ARHGAP42: variants seen among roughly 807,000 people sequenced by gnomAD.
ARHGAP42 encodes rho GTPase-activating protein 42.
A neutral mutation model predicts 125.0 loss-of-function variants in ARHGAP42; 63 were observed. That is an observed-to-expected ratio of 0.50 (90% CI 0.41 to 0.62). The LOEUF is 0.62. Among genes scored for constraint, ARHGAP42 ranks in the 20% least tolerant of loss-of-function variants. ARHGAP42 has a pLI of 0.00. For synonymous variants in ARHGAP42, 339 were observed against 351.0 expected (o/e 0.97, Z 0.38); for missense variants, 766 against 1,024.2 (o/e 0.75, Z 3.44).
chr11:100,699,506 ATTTTTTTTTTTTTTTTTTTTTTT>A (rs869243290), intron 1 of ARHGAP42, among the ~76,000 whole-genome samples: 29 of 31,756 alleles, frequency 9.1e-4, no homozygotes, highest in African/African-American at 3.9e-3. Context: ...ATATATATAT[ATTTTTTTTTTTTTTTTTTTTTTT>A]TTTTTTTTTT....
At position 100,960,536 on chromosome 11, in the gene ARHGAP42, C is replaced by T. The variant is rs536903272; in HGVS notation, c.1226-379C>T. ...TTCCTTGAATTCTCTGAATCTGTTT[C>T]CTCATCTCTAAAATGAAGATATAAA... On this transcript the variant is annotated intron_variant, in intron 13 of 23. Coordinates refer to ENST00000298815, the MANE Select transcript of ARHGAP42 (RefSeq NM_152432.4). Among the ~76,000 whole-genome samples, 58 of 152,246 alleles carry T rather than the reference C, an allele frequency of 3.8e-4. No homozygotes were observed. In the South Asian group the frequency reaches 0.011, roughly 30 times the overall value.
At chr11:100,879,077 CA>C (rs937219025) in intron 4 of ARHGAP42, among the ~76,000 whole-genome samples, 5 of 150,478 alleles carry the variant, frequency 3.3e-5, no homozygotes, top group Admixed American at 6.6e-5. Context: ...AATAATGCCT[CA>C]AAAAAATATG....
chr11:100,926,774 C>T (rs1296008218), intron 6 of ARHGAP42, among the ~76,000 whole-genome samples: 1 of 152,174 alleles, frequency 6.6e-6, no homozygotes, highest in Non-Finnish European at 1.5e-5. Flanking sequence ...CCAGTGTGTA[C>T]CTCACCTGTA....
intron 1 of ARHGAP42, among the ~76,000 whole-genome samples, chr11:100,748,758 G>A (rs1424649940): frequency 7.1e-6 from 1 of 141,776 alleles, no homozygotes; most frequent in Middle Eastern, 3.6e-3. Context: ...GGTTGTCAGT[G>A]GCCTCAGTGC....
intron 3 of ARHGAP42, among the ~76,000 whole-genome samples, chr11:100,825,099 T>A (rs1041291622): frequency 6.6e-6 from 1 of 152,228 alleles, no homozygotes; most frequent in Admixed American, 6.5e-5. Context: ...TTTTACAGCA[T>A]CATTTTCATT....
intron 4 of ARHGAP42, among the ~76,000 whole-genome samples, chr11:100,872,200 AGT>A (rs1374173287): frequency 5.3e-5 from 8 of 152,196 alleles, no homozygotes; most frequent in Non-Finnish European, 1.2e-4. Context: ...TTTTAAAAAT[AGT>A]GTATTTATAT....
chr11:100,967,050 CA>C (rs112868299), intron 17 of ARHGAP42, among the ~76,000 whole-genome samples: 11,559 of 152,242 alleles, frequency 0.076, 633 homozygotes, highest in East Asian at 0.3. Context: ...TCTGAACTTA[CA>C]AAAGGTCAAG....
At chr11:100,731,755 A>G (rs1451600470) in intron 1 of ARHGAP42, among the ~76,000 whole-genome samples, 1 of 152,088 alleles carries the variant, frequency 6.6e-6, no homozygotes, top group Middle Eastern at 3.2e-3. Flanking sequence ...GCCCACCCCA[A>G]TTAGCAGCTA....
intron 1 of ARHGAP42, among the ~76,000 whole-genome samples, chr11:100,764,666 G>A (rs995174767): frequency 6.6e-6 from 1 of 152,110 alleles, no homozygotes; most frequent in Non-Finnish European, 1.5e-5. Context: ...CCACATTAGG[G>A]GCTTGTAAGA....
intron 1 of ARHGAP42, among the ~76,000 whole-genome samples, chr11:100,751,012 C>A: frequency 6.7e-6 from 1 of 148,564 alleles, no homozygotes; most frequent in East Asian, 2.0e-4. Flanking sequence ...GATCTTGGCT[C>A]ACTGCAACTT....
At chr11:100,733,201 A>G (rs535564995) in intron 1 of ARHGAP42, among the ~76,000 whole-genome samples, 5 of 152,378 alleles carry the variant, frequency 3.3e-5, no homozygotes, top group Admixed American at 2.0e-4. Context: ...AAGTTAATCA[A>G]TATAGCCAAA....
At chr11:100,710,284 G>A (rs959377856) in intron 1 of ARHGAP42, among the ~76,000 whole-genome samples, 7 of 151,894 alleles carry the variant, frequency 4.6e-5, no homozygotes, top group South Asian at 2.1e-4. Context: ...CTGGAGTGCA[G>A]TGGTATGATC....
At chr11:100,747,687 C>T (rs1862336172) in intron 1 of ARHGAP42, among the ~76,000 whole-genome samples, 2 of 152,094 alleles carry the variant, frequency 1.3e-5, no homozygotes, top group South Asian at 4.2e-4. Context: ...ATTCTTTTTC[C>T]TCCTTATAAT....
chr11:100,960,020 A>G, intron 13 of ARHGAP42, 75 bp downstream of exon 13: 1 of 1,297,024 alleles, frequency 7.7e-7, no homozygotes. Context: ...AGAGTAGATA[A>G]ATCATTGAAG....
intron 4 of ARHGAP42, among the ~76,000 whole-genome samples, chr11:100,888,503 G>A (rs1038350412): frequency 4.6e-5 from 7 of 151,902 alleles, no homozygotes; most frequent in Admixed American, 1.3e-4. Flanking sequence ...AATATTCTTT[G>A]GCCAGTTAAC....
In ARHGAP42 at chr11:100,863,059, AACAC is replaced by A. The variant is rs3063447; in HGVS notation, c.384+3454_384+3457del. Among the ~76,000 whole-genome samples the A allele has an allele frequency of 1.4e-3, 191 of 137,484 alleles. 1 individual carries two copies. Among genetic ancestry groups the A allele is most frequent in the African/African-American group, 4.2e-3 (156 of 37,092 alleles). The allele number at this position is 137,484 out of a possible 152,430, so 90.2% of individuals were successfully genotyped here. On this transcript the variant is annotated intron_variant, in intron 4 of 23. Coordinates refer to ENST00000298815, the MANE Select transcript of ARHGAP42 (RefSeq NM_152432.4). ...TCTCAAAAAAAAAAAAAAAACACAA[AACAC>A]ACACACACACACACACACAACAACA...
intron 1 of ARHGAP42, among the ~76,000 whole-genome samples, chr11:100,741,475 G>C (rs987787517): frequency 6.6e-6 from 1 of 152,216 alleles, no homozygotes; most frequent in African/African-American, 2.4e-5. Flanking sequence ...GCTGTTTCCT[G>C]TTAGTACCTG....
At chr11:100,693,122 GT>G (rs1647563529) in intron 1 of ARHGAP42, among the ~76,000 whole-genome samples, 2 of 146,440 alleles carry the variant, frequency 1.4e-5, no homozygotes, top group Non-Finnish European at 1.5e-5. Flanking sequence ...AACTGCCATT[GT>G]TTTAGGATAT....
chr11:100,790,934 T>C (rs972054793), intron 2 of ARHGAP42, among the ~76,000 whole-genome samples: 3 of 152,246 alleles, frequency 2.0e-5, no homozygotes, highest in Admixed American at 2.0e-4. Context: ...TTACAAATTA[T>C]TGCTGATAAT....
Sources: gnomAD v4.1 joint callset for allele counts (sites outside exome capture counted in the v4.1 genomes callset) on GRCh38, gnomAD v4.1.1 for gene constraint, MANE v1.5 for transcripts, NCBI Gene and HGNC (gene_info 2026-07-23, HGNC 2026-07-21) for gene names.